Variants in KIF1A observed in about 807,000 individuals in gnomAD.
KIF1A encodes the protein kinesin family member 1A.
A neutral mutation model predicts 227.3 loss-of-function variants in KIF1A; 46 were observed. That is an observed-to-expected ratio of 0.20 (90% CI 0.16 to 0.26). The LOEUF (loss-of-function observed/expected upper bound fraction) is 0.26, where lower values mean the gene tolerates loss of function less well. Among genes scored for constraint, KIF1A ranks in the 10% least tolerant of loss-of-function variants. The pLI is 1.00. For synonymous variants in KIF1A, 1,022 were observed against 1,012.8 expected, an observed-to-expected ratio of 1.01 and a Z score of -0.17; for missense variants, 1,683 against 2,485.9, an observed-to-expected ratio of 0.68 and a Z score of 6.87.
At chr2:240,808,923 G>T (rs1205208179) in intron 1 of KIF1A, among the ~76,000 whole-genome samples, 2 of 151,896 alleles carry the variant, frequency 1.3e-5, no homozygotes, top group Non-Finnish European at 2.9e-5. Context: ...GTAGAGATGG[G>T]GTTTCACTGT....
Position 240,758,300 on chromosome 2 carries a change from C to G in KIF1A, c.2582+60G>C. The G allele has an allele frequency of 6.4e-7, 1 of 1,563,148 alleles. No individual in the cohort carries two copies. The highest frequency in any genetic ancestry group is 1.2e-5 in the South Asian group (1 of 82,056). ...TATCAGGCCAGGGCCCACTCCTACCCCCACTGCCATCTCTCTCTCTCAATC... is the reference window on the plus strand; with the variant it reads ...TATCAGGCCAGGGCCCACTCCTACCGCCACTGCCATCTCTCTCTCTCAATC... On this transcript the variant is annotated intron_variant, in intron 26 of 48. Transcript: ENST00000498729. The surrounding 1 kb of genome is among the most constrained non-coding windows in gnomAD (Gnocchi z 5.2).
Position 240,717,108 on chromosome 2 carries a change from C to T in KIF1A, c.*256G>A. The T allele has an allele frequency of 2.1e-6, 1 of 473,256 alleles. No individual in the cohort carries two copies. Among genetic ancestry groups the T allele is most frequent in the Non-Finnish European group, 3.8e-6 (1 of 266,170 alleles). The allele number at this position is 473,256 out of a possible 1,614,324, so 29.3% of individuals were successfully genotyped here. ...GCAGCAAGAACCCCCGTAACCTGTG[C>T]CCTTGGCCCCCCCAGCCTCTCCCAA... On this transcript the variant is annotated 3_prime_UTR_variant, in exon 49 of 49. Transcript: ENST00000498729.
At chr2:240,724,421 C>T (rs760255595) in intron 40 of KIF1A, 32 of 291,838 alleles carry the variant, frequency 1.1e-4, no homozygotes, top group Non-Finnish European at 1.9e-4. Context: ...CACTGTGCCC[C>T]GGACAGATTC....
rs1276695754 is a variant in KIF1A at position 240,767,321 on chromosome 2, C to G, written c.1522G>C (p.Glu508Gln). The change falls in exon 18 of 49, where the codon GAG (glutamate) becomes CAG (glutamine). Residue 508 changes from glutamate (E) to glutamine (Q), a missense_variant. Glu to Gln is a conservative substitution (Grantham distance 29, BLOSUM62 2). Transcript: ENST00000498729. ...KKTPHLVNLNEDPLMSECLLY... is the reference protein window; with the variant it reads ...KKTPHLVNLNQDPLMSECLLY... ...AGGCACTCAGACATCAGCGGGTCCTCGTTCAGGTTGACGAGGTGTGGTGTC... is the reference window on the plus strand; with the variant it reads ...AGGCACTCAGACATCAGCGGGTCCTGGTTCAGGTTGACGAGGTGTGGTGTC... The G allele has an allele frequency of 3.7e-6, 6 of 1,613,718 alleles. No individual in the cohort carries two copies. Among genetic ancestry groups the G allele is most frequent in the Non-Finnish European group, 5.1e-6 (6 of 1,179,878 alleles).
At chr2:240,772,096 G>A (rs1364305167) in intron 14 of KIF1A, among the ~76,000 whole-genome samples, 1 of 152,244 alleles carries the variant, frequency 6.6e-6, no homozygotes, top group Non-Finnish European at 1.5e-5. Context: ...GGCATTTCCA[G>A]AGTTGAGGGC....
In KIF1A at chr2:240,717,274, A is replaced by G; in HGVS notation, c.*90T>C. 1 of 1,295,928 alleles carries G rather than the reference A, an allele frequency of 7.7e-7. No individual in the cohort carries two copies. The highest frequency in any genetic ancestry group is 1.1e-6 in the Non-Finnish European group (1 of 907,616). The allele number at this position is 1,295,928 out of a possible 1,614,324, so 80.3% of individuals were successfully genotyped here. A position where few individuals can be genotyped will look rare whatever the true frequency, so the allele number is the denominator to read the frequency against. ...TCGACCCGGTCGTGGGCTGTCTGGC[A>G]GGAGAGGGGCTGGGCGGCAGGTGAC... On this transcript the variant is annotated 3_prime_UTR_variant, in exon 49 of 49. Coordinates refer to ENST00000498729, the MANE Select transcript of KIF1A (RefSeq NM_001244008.2).
chr2:240,760,656 C>T lies in KIF1A; in HGVS notation c.2444+9G>A. ...TCCCACCATCCACCCAGCGGCCCTC[C>T]AGCCCCACCTGAGCTTCTCCAGCGT... On this transcript the variant is annotated intron_variant, in intron 25 of 48. Transcript: ENST00000498729. 1 of 1,472,990 alleles carries T rather than the reference C, an allele frequency of 6.8e-7. No homozygotes were observed. The highest frequency in any genetic ancestry group is 2.7e-5 in the East Asian group (1 of 37,570). The allele number at this position is 1,472,990 out of a possible 1,614,324, so 91.2% of individuals were successfully genotyped here.
chr2:240,740,186 G>T lies in KIF1A; in HGVS notation c.3817-44C>A. The stretch of plus-strand genomic sequence containing the variant: ...AGGATATGGTCAGACGGCTCAGGGG[G>T]CTACGTAGGGTGAGGGAGGGGGACA... On this transcript the variant is annotated intron_variant, in intron 36 of 48. Transcript: ENST00000498729. This position sits in a 1 kb window ranked among gnomAD's most constrained non-coding sequence, Gnocchi z 6.1. The T allele has an allele frequency of 6.3e-7, 1 of 1,577,012 alleles. No individual in the cohort carries two copies. The highest frequency in any genetic ancestry group is 8.7e-7 in the Non-Finnish European group (1 of 1,155,728).
At position 240,792,161 on chromosome 2, in the gene KIF1A, A is replaced by T. The variant is rs1335743731; in HGVS notation, c.107-2849T>A. 6.7e-6 allele frequency among the ~76,000 whole-genome samples: 1 copy of T among 149,906 alleles called. No homozygotes were observed. Among genetic ancestry groups the T allele is most frequent in the Non-Finnish European group, 1.5e-5 (1 of 67,452 alleles). ...GACTAGAAGCCAGGGTCCCCGCAAC[A>T]CCTCCCAGCCCTGAGGTCCGCCAGG... On this transcript the variant is annotated intron_variant, in intron 2 of 48. Coordinates refer to ENST00000498729, the MANE Select transcript of KIF1A (RefSeq NM_001244008.2). This position sits in a 1 kb window ranked among gnomAD's most constrained non-coding sequence, Gnocchi z 4.5.
chr2:240,755,777 C>T (rs1328397817), intron 27 of KIF1A, among the ~76,000 whole-genome samples: 1 of 152,238 alleles, frequency 6.6e-6, no homozygotes, highest in African/African-American at 2.4e-5. Flanking sequence ...CTCCTGATGT[C>T]CTCATCCCCC....
intron 1 of KIF1A, among the ~76,000 whole-genome samples, chr2:240,816,577 A>G (rs758697736): frequency 1.6e-4 from 25 of 152,144 alleles, no homozygotes; most frequent in Admixed American, 3.9e-4. Context: ...AGGGACCCCC[A>G]AAGGTCATCT....
At chr2:240,779,892 T>C (rs2053396863) in intron 10 of KIF1A, among the ~76,000 whole-genome samples, 1 of 152,136 alleles carries the variant, frequency 6.6e-6, no homozygotes, top group African/African-American at 2.4e-5. Context: ...CTGTCCCATG[T>C]TTCCCCCCAG....
In KIF1A at chr2:240,789,518, A is replaced by C. The variant is rs2055383678; in HGVS notation, c.107-206T>G. Among the ~76,000 whole-genome samples, 1 of 152,074 alleles carries C rather than the reference A, an allele frequency of 6.6e-6. No individual in the cohort carries two copies. The highest frequency in any genetic ancestry group is 1.5e-5 in the Non-Finnish European group (1 of 67,998). ...TTATGGTGGACGCTGCCACCCATGG[A>C]TGTCCAAGGGTACCACCATACCAGC... On this transcript the variant is annotated intron_variant, in intron 2 of 48. Coordinates refer to ENST00000498729, the MANE Select transcript of KIF1A (RefSeq NM_001244008.2). This position sits in a 1 kb window ranked among gnomAD's most constrained non-coding sequence, Gnocchi z 4.8.
chr2:240,767,032 G>A lies in KIF1A; in HGVS notation c.1578-11C>T. 2 of 1,595,598 alleles carry A rather than the reference G, an allele frequency of 1.3e-6. No homozygotes were observed. The highest frequency in any genetic ancestry group is 2.3e-5 in the East Asian group (1 of 44,438). On this transcript the variant is annotated splice_polypyrimidine_tract_variant and intron_variant, in intron 18 of 48. Coordinates refer to ENST00000498729, the MANE Select transcript of KIF1A (RefSeq NM_001244008.2). ...TCCTCCCTGCCCACTCTGCGGGGTG[G>A]GGGCACCATCAGCACGGCAGCTGGG...
chr2:240,748,540 A>C (rs2048862556), intron 28 of KIF1A: 1 of 177,652 alleles, frequency 5.6e-6, no homozygotes, highest in Non-Finnish European at 1.4e-5. Context: ...ACTTGGTGGG[A>C]GCTGCTGGCA....
chr2:240,812,956 A>ATCTGCCTTCACCTCGG (rs1559550038), intron 1 of KIF1A, among the ~76,000 whole-genome samples: 3 of 60,278 alleles, frequency 5.0e-5, no homozygotes, highest in African/African-American at 2.3e-4. Context: ...CTTCACCTCA[A>ATCTGCCTTCACCTCGG]GGATCCACCT....
intron 11 of KIF1A, among the ~76,000 whole-genome samples, chr2:240,774,959 G>C (rs1474129827): frequency 1.3e-5 from 2 of 152,182 alleles, no homozygotes; most frequent in African/African-American, 4.8e-5. Flanking sequence ...TGAAGAGACG[G>C]TGTGAAGGGC....
At chr2:240,787,426 G>T (rs1163590428) in intron 4 of KIF1A, 110 bp from the exon 5 acceptor site, 10 of 885,218 alleles carry the variant, frequency 1.1e-5, no homozygotes, top group African/African-American at 9.9e-5. Flanking sequence ...ACCCTCTCAG[G>T]CCCCTCTTGC....
intron 27 of KIF1A, among the ~76,000 whole-genome samples, chr2:240,755,084 A>G (rs1217535972): frequency 1.3e-5 from 2 of 151,926 alleles, no homozygotes; most frequent in African/African-American, 4.8e-5. Context: ...ATGCCAGGGG[A>G]AATCAGAGCC....
Sources: gnomAD v4.1 joint callset for allele counts (sites outside exome capture counted in the v4.1 genomes callset) on GRCh38, gnomAD v4.1.1 for gene constraint, Gnocchi (gnomAD v3.1) non-coding constraint, MANE v1.5 for transcripts, NCBI Gene and HGNC (gene_info 2026-07-23, HGNC 2026-07-21) for gene names.